The following MNS1 variants were observed in gnomAD, a reference collection of about 807,000 sequenced individuals.
MNS1 encodes the protein meiosis-specific nuclear structural protein 1.
A neutral mutation model predicts 72.0 loss-of-function variants in MNS1; 63 were observed. The ratio of observed to expected loss-of-function variants is 0.87; its 90% CI spans 0.71 to 1.08. The LOEUF (loss-of-function observed/expected upper bound fraction) is 1.08, where lower values mean the gene tolerates loss of function less well. MNS1 is among the 50% of genes least tolerant of loss of function. The pLI, the probability that MNS1 is intolerant of heterozygous loss-of-function variation, is 0.00. For synonymous variants in MNS1, 188 were observed against 172.1 expected, an observed-to-expected ratio of 1.09 and a Z score of -0.72; for missense variants, 604 against 562.4, an observed-to-expected ratio of 1.07 and a Z score of -0.75.
At position 56,464,022 on chromosome 15, in the gene MNS1, T is replaced by C. The variant is rs2051040784; in HGVS notation, c.225+4A>G. ...AAAAAGTAACAATGAATAGTAAAAC[T>C]TACCTTTTGAATGGCCTCTTCCATA... On this transcript the variant is annotated splice_donor_region_variant and intron_variant, in intron 2 of 9. Coordinates refer to ENST00000260453, the MANE Select transcript of MNS1 (RefSeq NM_018365.4). 1 of 1,601,430 alleles carries C rather than the reference T, an allele frequency of 6.2e-7. No individual in the cohort carries two copies. Among genetic ancestry groups the C allele is most frequent in the Non-Finnish European group, 8.5e-7 (1 of 1,174,424 alleles).
At chr15:56,449,647 G>T (rs1286902201) in intron 3 of MNS1, among the ~76,000 whole-genome samples, 2 of 152,150 alleles carry the variant, frequency 1.3e-5, no homozygotes, top group African/African-American at 4.8e-5. Context: ...TAAGATTGGT[G>T]TTACTTTGTC....
At chr15:56,433,853 A>ATTAC (rs2096799993) in intron 8 of MNS1, among the ~76,000 whole-genome samples, 1 of 152,110 alleles carries the variant, frequency 6.6e-6, no homozygotes, top group Non-Finnish European at 1.5e-5. Context: ...CATATTTATA[A>ATTAC]TTACTTTTTA....
chr15:56,453,072 T>C (rs2050958476), intron 3 of MNS1, among the ~76,000 whole-genome samples: 1 of 152,216 alleles, frequency 6.6e-6, no homozygotes, highest in Admixed American at 6.5e-5. Flanking sequence ...ATTACAGATA[T>C]TACAGCATGT....
At chr15:56,439,899 A>C (rs2050791053) in intron 7 of MNS1, among the ~76,000 whole-genome samples, 1 of 152,084 alleles carries the variant, frequency 6.6e-6, no homozygotes, top group African/African-American at 2.4e-5. Context: ...TGATAAACTG[A>C]ACTTCATAGA....
In MNS1 at chr15:56,443,706, G is replaced by C. The variant is rs760490913; in HGVS notation, c.835C>G (p.Gln279Glu). ...TTTGCCATCCGATCTTCTTCTCTTTGCTGCTGCATGTTAGCAAACTCTATG... is the reference window on the plus strand; with the variant it reads ...TTTGCCATCCGATCTTCTTCTCTTTCCTGCTGCATGTTAGCAAACTCTATG... ...KIIEFANMQQ[Q>E]REEDRMAKVQ... Residue 279 changes from glutamine to glutamate, a missense_variant, in exon 6 of 10, where the codon CAA becomes GAA. Transcript: ENST00000260453. The C allele has an allele frequency of 1.2e-6, 2 of 1,613,004 alleles. No individual in the cohort carries two copies. Among genetic ancestry groups the C allele is most frequent in the Non-Finnish European group, 1.7e-6 (2 of 1,179,690 alleles).
At chr15:56,456,326 G>T in intron 3 of MNS1, 68 bp downstream of exon 3, 1 of 1,424,056 alleles carries the variant, frequency 7.0e-7, no homozygotes, top group Admixed American at 2.6e-5. Context: ...TCACTTTCAG[G>T]TGCTAAGGAT....
intron 3 of MNS1, among the ~76,000 whole-genome samples, chr15:56,454,719 T>C (rs1332632370): frequency 6.6e-6 from 1 of 152,196 alleles, no homozygotes; most frequent in Admixed American, 6.5e-5. Flanking sequence ...CTTTCACCTC[T>C]CTACCAGGAC....
chr15:56,437,655 A>G (rs1300260266), intron 7 of MNS1, among the ~76,000 whole-genome samples: 5 of 152,214 alleles, frequency 3.3e-5, no homozygotes, highest in African/African-American at 1.2e-4. Flanking sequence ...GTATTCAATT[A>G]GGAAAAGAGG....
At chr15:56,430,277 G>T (rs2050546641) in intron 9 of MNS1, among the ~76,000 whole-genome samples, 1 of 152,134 alleles carries the variant, frequency 6.6e-6, no homozygotes, top group African/African-American at 2.4e-5. Context: ...CAAGATCATG[G>T]GTCACTGCAG....
chr15:56,435,509 A>T (rs2050707193), intron 7 of MNS1, among the ~76,000 whole-genome samples: 1 of 152,066 alleles, frequency 6.6e-6, no homozygotes, highest in Admixed American at 6.6e-5. Context: ...GACCCTACAG[A>T]CATCAAAAGG....
chr15:56,460,009 A>AAATATATATAT lies in MNS1; in HGVS notation c.226-3489_226-3488insATATATATATT. On this transcript the variant is annotated intron_variant, in intron 2 of 9. Transcript: ENST00000260453. ...CTGTCTCAAAAAAAAAAAAAAAAAA[A>AAATATATATAT]ATACATATATATATATATATATATA... 2.3e-4 allele frequency among the ~76,000 whole-genome samples: 6 copies of AAATATATATAT among 26,404 alleles called. 1 individual carries two copies. Among genetic ancestry groups the AAATATATATAT allele is most frequent in the Non-Finnish European group, 4.2e-4 (6 of 14,314 alleles). The allele number at this position is 26,404 out of a possible 152,430, so 17.3% of individuals were successfully genotyped here.
chr15:56,448,948 T>G (rs2050928211), intron 3 of MNS1, among the ~76,000 whole-genome samples: 2 of 151,796 alleles, frequency 1.3e-5, no homozygotes, highest in African/African-American at 2.4e-5. Flanking sequence ...ACAGATGGAG[T>G]TACACCATGT....
chr15:56,430,952 A>G (rs2050574210), intron 9 of MNS1, among the ~76,000 whole-genome samples: 1 of 152,112 alleles, frequency 6.6e-6, no homozygotes. Context: ...CCTGAGGCCA[A>G]GAGTTCAAGA....
chr15:56,460,009 A>ATATATATAT (rs1555449667), intron 2 of MNS1, among the ~76,000 whole-genome samples: 5 of 26,388 alleles, frequency 1.9e-4, no homozygotes, highest in African/African-American at 6.0e-4. Flanking sequence ...AAAAAAAAAA[A>ATATATATAT]ATACATATAT....
chr15:56,464,834 C>G (rs560562513), intron 1 of MNS1, 136 bp downstream of exon 1: 5 of 1,272,488 alleles, frequency 3.9e-6, no homozygotes, highest in Non-Finnish European at 5.5e-6. Flanking sequence ...GCACCTGAAG[C>G]CTCCGAAAGC....
Position 56,433,092 on chromosome 15 carries a change from G to A in MNS1, c.1269+1046C>T, listed in dbSNP as rs1057205977. 3.3e-5 allele frequency among the ~76,000 whole-genome samples: 5 copies of A among 152,028 alleles called. 1 individual carries two copies. Among genetic ancestry groups the A allele is most frequent in the African/African-American group, 1.2e-4 (5 of 41,408 alleles). On this transcript the variant is annotated intron_variant, in intron 8 of 9. Transcript: ENST00000260453. ...TTTCCAACTAGTAATCTTCCCCTGG[G>A]CCACCAAATCATTTTGGGTGGACAA...
intron 7 of MNS1, among the ~76,000 whole-genome samples, chr15:56,439,791 CACAA>C (rs796923194): frequency 1.3e-4 from 20 of 148,186 alleles, no homozygotes; most frequent in African/African-American, 4.7e-4. Context: ...CACACACACA[CACAA>C]ACCTTTAGGA....
chr15:56,464,058 A>C lies in MNS1; in HGVS notation c.193T>G (p.Phe65Val). 6.2e-7 allele frequency: 1 copy of C among 1,613,528 alleles called. No homozygotes were observed. Among genetic ancestry groups the C allele is most frequent in the Non-Finnish European group, 8.5e-7 (1 of 1,179,872 alleles). ...QFLRLLQNEQ[F>V]ELDMEEAIQK... Reference sequence around the variant, plus strand: ...ATGGCCTCTTCCATATCCAACTCAAATTGTTCATTTTGTAATAATCTGAGA... The same window carrying C: ...ATGGCCTCTTCCATATCCAACTCAACTTGTTCATTTTGTAATAATCTGAGA... The change falls in exon 2 of 10, where the codon TTT becomes GTT. Residue 65 changes from phenylalanine to valine, a missense_variant. By Grantham distance (50) the Phe-to-Val change is conservative. Coordinates refer to ENST00000260453, the MANE Select transcript of MNS1 (RefSeq NM_018365.4).
Position 56,464,011 on chromosome 15 carries a change from A to G in MNS1, c.225+15T>C. 6.3e-7 allele frequency: 1 copy of G among 1,584,800 alleles called. No individual in the cohort carries two copies. Among genetic ancestry groups the G allele is most frequent in the Non-Finnish European group, 8.6e-7 (1 of 1,164,056 alleles). ...CAAAATGAAAAAAAAAGTAACAATG[A>G]ATAGTAAAACTTACCTTTTGAATGG... On this transcript the variant is annotated intron_variant, in intron 2 of 9. Coordinates refer to ENST00000260453, the MANE Select transcript of MNS1 (RefSeq NM_018365.4).
Sources: allele counts gnomAD v4.1 joint callset (sites outside exome capture counted in the v4.1 genomes callset), GRCh38; gene constraint gnomAD v4.1.1; transcripts MANE v1.5; gene names NCBI Gene and HGNC (gene_info 2026-07-23, HGNC 2026-07-21).